ZNF385B: variants seen among roughly 807,000 people sequenced by gnomAD.
The protein encoded by ZNF385B is zinc finger protein 533.
A neutral mutation model predicts 39.2 loss-of-function variants in ZNF385B; 23 were observed. The ratio of observed to expected loss-of-function variants is 0.59; its 90% CI spans 0.42 to 0.83. The LOEUF (loss-of-function observed/expected upper bound fraction) is 0.83, where lower values mean the gene tolerates loss of function less well. Ranked by LOEUF, ZNF385B falls within the 40% of genes least tolerant of loss-of-function variation. The pLI is 0.00. For missense variants in ZNF385B, 552 were observed against 598.9 expected (o/e 0.92, Z 0.82); for synonymous variants, 205 against 222.6 (o/e 0.92, Z 0.70).
At chr2:179,795,260 A>T (rs1012559680) in intron 1 of ZNF385B, among the ~76,000 whole-genome samples, 2 of 151,916 alleles carry the variant, frequency 1.3e-5, no homozygotes, top group African/African-American at 4.8e-5. Flanking sequence ...TTTCAGGGGA[A>T]AAAAAGCAGA....
At chr2:179,444,160 G>A (rs564045830) in intron 9 of ZNF385B, among the ~76,000 whole-genome samples, 1 of 152,230 alleles carries the variant, frequency 6.6e-6, no homozygotes, top group African/African-American at 2.4e-5. Flanking sequence ...GCTTAATGCA[G>A]GTAACACCTG....
At chr2:179,526,356 G>A (rs2058897568) in intron 4 of ZNF385B, among the ~76,000 whole-genome samples, 3 of 151,992 alleles carry the variant, frequency 2.0e-5, no homozygotes, top group Admixed American at 2.0e-4. Flanking sequence ...TTGGGATGTT[G>A]AGGCAGGCGG....
intron 3 of ZNF385B, among the ~76,000 whole-genome samples, chr2:179,622,981 C>T (rs1286293448): frequency 6.6e-6 from 1 of 152,164 alleles, no homozygotes; most frequent in African/African-American, 2.4e-5. Context: ...CATTTAGATT[C>T]ATTTTCAATT....
chr2:179,502,989 C>G (rs759402730), intron 5 of ZNF385B, among the ~76,000 whole-genome samples: 14 of 152,144 alleles, frequency 9.2e-5, no homozygotes, highest in Non-Finnish European at 1.3e-4. Context: ...ATCTCCCCAC[C>G]TCAGCCTACC....
intron 6 of ZNF385B, among the ~76,000 whole-genome samples, chr2:179,472,533 A>G (rs1473572106): frequency 8.5e-5 from 13 of 152,242 alleles, no homozygotes. Flanking sequence ...CTACTGTGGT[A>G]AGAACTTCTA....
intron 3 of ZNF385B, among the ~76,000 whole-genome samples, chr2:179,599,648 A>G (rs1401593004): frequency 6.6e-6 from 1 of 152,182 alleles, no homozygotes; most frequent in Non-Finnish European, 1.5e-5. Context: ...GTACCCAATA[A>G]ACATGCTGAA....
chr2:179,718,411 TATC>T (rs1403845110), intron 3 of ZNF385B, among the ~76,000 whole-genome samples: 2 of 148,026 alleles, frequency 1.4e-5, no homozygotes, highest in Non-Finnish European at 3.0e-5. Context: ...AATCATTTAT[TATC>T]ATAAAGATAT....
chr2:179,612,671 C>T (rs1338410413), intron 3 of ZNF385B, among the ~76,000 whole-genome samples: 3 of 152,134 alleles, frequency 2.0e-5, no homozygotes, highest in Non-Finnish European at 4.4e-5. Flanking sequence ...TGTGTCAGAC[C>T]TGAAGCCAGC....
intron 3 of ZNF385B, among the ~76,000 whole-genome samples, chr2:179,599,566 G>C (rs528732836): frequency 4.2e-4 from 64 of 152,256 alleles, no homozygotes; most frequent in African/African-American, 1.5e-3. Flanking sequence ...CTTTCTGTCT[G>C]TTAAAATATC....
In ZNF385B at chr2:179,767,804, CTA is replaced by C. The variant is rs199593291; in HGVS notation, c.298+1697_298+1698del. On this transcript the variant is annotated intron_variant, in intron 3 of 9. Transcript: ENST00000410066. ...TCTTCAGAAATATAATTTTTAATGA[CTA>C]TGGTATTTATAGACATTTACACCAT... is the stretch of plus-strand genomic sequence containing the variant. Among the ~76,000 whole-genome samples the C allele has an allele frequency of 3.3e-5, 5 of 151,932 alleles. No homozygotes were observed. In the East Asian group the frequency reaches 9.7e-4, roughly 29 times the overall value.
intron 5 of ZNF385B, among the ~76,000 whole-genome samples, chr2:179,493,875 A>G (rs969518844): frequency 1.3e-5 from 2 of 149,212 alleles, no homozygotes; most frequent in African/African-American, 4.9e-5. Flanking sequence ...GGGTCCATCC[A>G]TTGTTCAATG....
chr2:179,770,029 G>A (rs1011783031), intron 2 of ZNF385B, among the ~76,000 whole-genome samples: 4 of 152,086 alleles, frequency 2.6e-5, no homozygotes, highest in African/African-American at 7.2e-5. Flanking sequence ...TTCACCTGGA[G>A]CACTTTATAC....
At chr2:179,581,387 GA>G (rs1686499637) in intron 3 of ZNF385B, among the ~76,000 whole-genome samples, 1 of 152,150 alleles carries the variant, frequency 6.6e-6, no homozygotes, top group Non-Finnish European at 1.5e-5. Context: ...AGGCTGAATA[GA>G]AGATCTTATT....
At chr2:179,811,026 G>C (rs752751980) in intron 1 of ZNF385B, among the ~76,000 whole-genome samples, 6 of 152,048 alleles carry the variant, frequency 3.9e-5, no homozygotes, top group Non-Finnish European at 4.4e-5. Flanking sequence ...TTCAAGCTGA[G>C]AGCCAAATCA....
At chr2:179,465,241 G>A (rs2105489982) in intron 6 of ZNF385B, among the ~76,000 whole-genome samples, 1 of 151,940 alleles carries the variant, frequency 6.6e-6, no homozygotes, top group Non-Finnish European at 1.5e-5. Context: ...CTATTCTTCT[G>A]CCTGTCCCTA....
intron 3 of ZNF385B, among the ~76,000 whole-genome samples, chr2:179,761,761 CTTT>C (rs34325728): frequency 6.3e-5 from 7 of 110,284 alleles, no homozygotes; most frequent in Admixed American, 1.0e-4. Context: ...TTTTTCTTTT[CTTT>C]TTTTTTTTTT....
chr2:179,818,094 G>T (rs1395595116), intron 1 of ZNF385B, among the ~76,000 whole-genome samples: 2 of 152,096 alleles, frequency 1.3e-5, no homozygotes, highest in African/African-American at 4.8e-5. Flanking sequence ...TGTTGTGTGT[G>T]TCAGCCCAAG....
intron 3 of ZNF385B, among the ~76,000 whole-genome samples, chr2:179,754,960 T>C (rs182508733): frequency 1.7e-4 from 26 of 152,336 alleles, no homozygotes; most frequent in Admixed American, 9.8e-4. Context: ...TACTTATTTC[T>C]TGCCTTCTGC....
At chr2:179,549,981 T>C (rs749150362) in intron 3 of ZNF385B, among the ~76,000 whole-genome samples, 8 of 149,422 alleles carry the variant, frequency 5.4e-5, no homozygotes, top group Non-Finnish European at 1.0e-4. Context: ...AATTAGGTAA[T>C]GTTAACTTCA....
Sources: allele counts gnomAD v4.1 joint callset (sites outside exome capture counted in the v4.1 genomes callset), GRCh38; gene constraint gnomAD v4.1.1; transcripts MANE v1.5; gene names NCBI Gene and HGNC (gene_info 2026-07-23, HGNC 2026-07-21).